Variants in FMN2 observed in about 807,000 individuals in gnomAD.
FMN2 encodes the protein formin 2.
FMN2 carries 51 observed loss-of-function variants against 142.3 expected under a neutral mutation model. The ratio of observed to expected loss-of-function variants is 0.36; its 90% CI spans 0.29 to 0.45. The LOEUF (loss-of-function observed/expected upper bound fraction) is 0.45, where lower values mean the gene tolerates loss of function less well. FMN2 is among the 20% of genes least tolerant of loss of function. The pLI is 1.00. For synonymous variants in FMN2, 882 were observed against 869.8 expected (o/e 1.01, Z -0.25); for missense variants, 1,936 against 2,122.8 (o/e 0.91, Z 1.73).
intron 2 of FMN2, among the ~76,000 whole-genome samples, chr1:240,138,364 A>C (rs1264899411): frequency 6.6e-6 from 1 of 152,086 alleles, no homozygotes; most frequent in Non-Finnish European, 1.5e-5. Context: ...GCCCTCAACT[A>C]TGAAGGAGTT....
At chr1:240,262,000 C>A (rs1403112828) in intron 7 of FMN2, among the ~76,000 whole-genome samples, 6 of 152,098 alleles carry the variant, frequency 3.9e-5, no homozygotes. Context: ...GAATCACACT[C>A]TGGGGGCTGT....
chr1:240,271,367 G>A (rs925499863), intron 7 of FMN2, among the ~76,000 whole-genome samples: 1 of 150,284 alleles, frequency 6.7e-6, no homozygotes, highest in Admixed American at 6.6e-5. Flanking sequence ...TCAAAAATTA[G>A]GCTCAGTGTG....
chr1:240,434,343 A>G (rs1675280450), intron 15 of FMN2, among the ~76,000 whole-genome samples: 1 of 152,100 alleles, frequency 6.6e-6, no homozygotes, highest in Non-Finnish European at 1.5e-5. Flanking sequence ...AAAAGAAGGA[A>G]ATAATTCAGA....
intron 2 of FMN2, among the ~76,000 whole-genome samples, chr1:240,154,008 C>T (rs1024793192): frequency 1.3e-4 from 20 of 148,798 alleles, no homozygotes; most frequent in Middle Eastern, 6.9e-3. Flanking sequence ...CACAGCTACT[C>T]CGGAGGCAGG....
chr1:240,334,338 T>G, intron 13 of FMN2, 109 bp downstream of exon 13: 1 of 1,285,420 alleles, frequency 7.8e-7, no homozygotes, highest in Non-Finnish European at 1.0e-6. Context: ...TTTATAGAAC[T>G]AAATTTGTGT....
chr1:240,140,335 A>G (rs746414836), intron 2 of FMN2, among the ~76,000 whole-genome samples: 7 of 152,130 alleles, frequency 4.6e-5, no homozygotes, highest in Non-Finnish European at 1.5e-5. Context: ...GCCTGGTGAG[A>G]TAGTTTTTAT....
At chr1:240,208,835 A>G (rs1666562400) in intron 5 of FMN2, 103 bp downstream of exon 5, 5 of 1,405,250 alleles carry the variant, frequency 3.6e-6, no homozygotes, top group Non-Finnish European at 4.8e-6. Flanking sequence ...TTTTAAGCAC[A>G]ACTCTAAAAC....
intron 2 of FMN2, among the ~76,000 whole-genome samples, chr1:240,133,899 C>G (rs1186417226): frequency 6.6e-6 from 1 of 152,146 alleles, no homozygotes; most frequent in Non-Finnish European, 1.5e-5. Context: ...AATGCTGTGT[C>G]CTTGTGTTTA....
At chr1:240,229,445 G>A (rs1667461800) in intron 6 of FMN2, among the ~76,000 whole-genome samples, 1 of 151,948 alleles carries the variant, frequency 6.6e-6, no homozygotes, top group South Asian at 2.1e-4. Context: ...CTCATATACA[G>A]AGTGAAGATC....
chr1:240,303,649 G>GATTAAC (rs1670281774), intron 8 of FMN2, among the ~76,000 whole-genome samples: 1 of 152,022 alleles, frequency 6.6e-6, no homozygotes, highest in Non-Finnish European at 1.5e-5. Context: ...GGGCTCTTTG[G>GATTAAC]ATTAACATCA....
chr1:240,408,590 A>G (rs1314214310), intron 15 of FMN2, among the ~76,000 whole-genome samples: 1 of 152,190 alleles, frequency 6.6e-6, no homozygotes, highest in Non-Finnish European at 1.5e-5. Flanking sequence ...TTTTATTTCA[A>G]GCATTCAATG....
At chr1:240,434,995 A>G (rs557903556) in intron 15 of FMN2, among the ~76,000 whole-genome samples, 5 of 152,178 alleles carry the variant, frequency 3.3e-5, no homozygotes, top group Middle Eastern at 6.8e-3. Flanking sequence ...CCATGGCCAC[A>G]TCCAAAGAAA....
At chr1:240,307,318 C>G (rs34935724) in intron 8 of FMN2, among the ~76,000 whole-genome samples, 31,367 of 152,040 alleles carry the variant, frequency 0.21, 3,501 homozygotes, top group Admixed American at 0.33. Context: ...AAATGTTTGC[C>G]TAGACCAATG....
chr1:240,286,209 G>A (rs1434254760), intron 7 of FMN2, among the ~76,000 whole-genome samples: 2 of 152,086 alleles, frequency 1.3e-5, no homozygotes, highest in African/African-American at 2.4e-5. Context: ...GGGGAGGAGG[G>A]CTGAATGGAG....
In FMN2 at chr1:240,207,345, G is replaced by C. The variant is rs146579158; in HGVS notation, c.2533G>C (p.Val845Leu). Residue 845 changes from valine (V) to leucine (L), a missense_variant, in exon 5 of 18, where the codon GTT (valine) becomes CTT (leucine). Coordinates refer to ENST00000319653, the MANE Select transcript of FMN2 (RefSeq NM_020066.5). ...TEFQTSHEHSVSSAFKNSCNI... is the reference protein window; with the variant it reads ...TEFQTSHEHSLSSAFKNSCNI... ...GTTTCAAACCAGCCACGAACACTCTGTTTCCTCTGCCTTTAAAAACAGCTG... is the reference window on the plus strand; with the variant it reads ...GTTTCAAACCAGCCACGAACACTCTCTTTCCTCTGCCTTTAAAAACAGCTG... 6 of 1,613,622 alleles carry C rather than the reference G, an allele frequency of 3.7e-6. No homozygotes were observed. Among genetic ancestry groups the C allele is most frequent in the Middle Eastern group, 1.6e-4 (1 of 6,082 alleles).
intron 4 of FMN2, among the ~76,000 whole-genome samples, chr1:240,191,599 TTTGAAA>T (rs368901309): frequency 1.8e-4 from 28 of 152,366 alleles, no homozygotes; most frequent in African/African-American, 6.7e-4. Flanking sequence ...ATCTTTGCCA[TTTGAAA>T]TATTTAAACT....
intron 2 of FMN2, among the ~76,000 whole-genome samples, chr1:240,132,902 C>T (rs1219942739): frequency 6.6e-6 from 1 of 152,170 alleles, no homozygotes; most frequent in Non-Finnish European, 1.5e-5. Flanking sequence ...GGTTTCCAGT[C>T]CAGTCTCCTC....
intron 16 of FMN2, among the ~76,000 whole-genome samples, chr1:240,447,728 G>C (rs1675875351): frequency 6.6e-6 from 1 of 152,194 alleles, no homozygotes; most frequent in Non-Finnish European, 1.5e-5. Context: ...GAGGAAAATG[G>C]AGAGTGACTA....
intron 2 of FMN2, among the ~76,000 whole-genome samples, chr1:240,126,372 C>A (rs183404661): frequency 4.6e-5 from 7 of 151,374 alleles, no homozygotes; most frequent in Admixed American, 1.3e-4. Flanking sequence ...CTACCCCCCC[C>A]CACTTTGTTC....
Sources: allele counts gnomAD v4.1 joint callset (sites outside exome capture counted in the v4.1 genomes callset), GRCh38; gene constraint gnomAD v4.1.1; transcripts MANE v1.5; gene names NCBI Gene and HGNC (gene_info 2026-07-23, HGNC 2026-07-21).